SLC19A1: variants seen among roughly 807,000 people sequenced by gnomAD.
The protein encoded by SLC19A1 is solute carrier family 19 member 1.
Under a neutral mutation model 35.3 loss-of-function variants are expected in SLC19A1, and 37 were observed. The observed-to-expected ratio is 1.05, with a 90% CI of 0.81 to 1.38. The LOEUF (loss-of-function observed/expected upper bound fraction) is 1.38. Ranked by LOEUF, SLC19A1 falls within the 40% of genes most tolerant of loss-of-function variation. SLC19A1 has a pLI of 0.00. For missense variants in SLC19A1, 831 were observed against 826.9 expected (o/e 1.00, Z -0.06); for synonymous variants, 460 against 398.5 (o/e 1.15, Z -1.84).
rs2078270272 is a variant in SLC19A1 at position 45,540,494 on chromosome 21, CAG to C, written c.-50+1872_-50+1873del. ...AACATTCCTTCCTTGGAGAGACAGC[CAG>C]AGTCTCCGCCAGCAAGGGGCTGCTG... On this transcript the variant is annotated intron_variant, in intron 1 of 5. Coordinates refer to ENST00000311124, the MANE Select transcript of SLC19A1 (RefSeq NM_194255.4). This position sits in a 1 kb window ranked among gnomAD's most constrained non-coding sequence, Gnocchi z 5.5. Among the ~76,000 whole-genome samples, 1 of 152,192 alleles carries C rather than the reference CAG, an allele frequency of 6.6e-6. No homozygotes were observed. Among genetic ancestry groups the C allele is most frequent in the African/African-American group, 2.4e-5 (1 of 41,442 alleles).
At chr21:45,547,126 TACA>T (rs1294401293), upstream of SLC19A1, among the ~76,000 whole-genome samples, 2 of 152,232 alleles carry the variant, frequency 1.3e-5, no homozygotes, top group African/African-American at 4.8e-5. Flanking sequence ...AAACAGTATT[TACA>T]ACGCCAATGA....
At chr21:45,526,031 C>G (rs953884076) in intron 4 of SLC19A1, 73 bp from the exon 5 acceptor site, 8 of 1,533,526 alleles carry the variant, frequency 5.2e-6, no homozygotes, top group Non-Finnish European at 7.1e-6. Flanking sequence ...AGCCTGCAGC[C>G]CGGCTCCCAC....
At chr21:45,558,599 G>A (rs922686076) in intron 1 of SLC19A1, among the ~76,000 whole-genome samples, 1 of 152,158 alleles carries the variant, frequency 6.6e-6, no homozygotes, top group Non-Finnish European at 1.5e-5. Flanking sequence ...TGAGAGGACT[G>A]CGTTTGGTTT....
At chr21:45,504,121 C>A in intron 3 of SLC19A1, 1 of 1,544,406 alleles carries the variant, frequency 6.5e-7, no homozygotes, top group Non-Finnish European at 8.9e-7. Context: ...TGGCTGCTCC[C>A]AATTTCTCGC....
rs2077985962 is a variant in SLC19A1, at chr21:45,533,029, C to T, written c.190-881G>A. On this transcript the variant is annotated intron_variant, in intron 2 of 5. Transcript: ENST00000311124. This position sits in a 1 kb window ranked among gnomAD's most constrained non-coding sequence, Gnocchi z 4.5. Reference sequence around the variant, plus strand: ...CTGGGCTGTGCACTCCCATCTCACACTTGTCCCCAGAGCAAGGTCTTTAAG... The same window carrying T: ...CTGGGCTGTGCACTCCCATCTCACATTTGTCCCCAGAGCAAGGTCTTTAAG... Among the ~76,000 whole-genome samples, 1 of 152,194 alleles carries T rather than the reference C, an allele frequency of 6.6e-6. No homozygotes were observed. The highest frequency in any genetic ancestry group is 1.9e-4 in the East Asian group (1 of 5,178).
chr21:45,532,176 C>T (rs572958946), intron 2 of SLC19A1, 28 bp from the exon 3 acceptor site: 12 of 1,544,750 alleles, frequency 7.8e-6, no homozygotes, highest in South Asian at 7.3e-5. Flanking sequence ...TGCGCCCCAC[C>T]AGGTGTTAGC....
At position 45,537,920 on chromosome 21, in the gene SLC19A1, C is replaced by A. The variant is rs527506690; in HGVS notation, c.40G>T (p.Val14Leu). The A allele has an allele frequency of 1.3e-6, 2 of 1,589,706 alleles. No individual in the cohort carries two copies. The highest frequency in any genetic ancestry group is 2.3e-5 in the East Asian group (1 of 44,176). Reference sequence around the variant, plus strand: ...AGCTCGGGGTCAGGCCCAGGTTCCACGGGCACCTGCTTCTCCACCGCTGGG... The same window carrying A: ...AGCTCGGGGTCAGGCCCAGGTTCCAAGGGCACCTGCTTCTCCACCGCTGGG... ...SSPAVEKQVPVEPGPDPELRS... is the reference protein window; with the variant it reads ...SSPAVEKQVPLEPGPDPELRS... Residue 14 changes from valine to leucine, a missense_variant, in exon 2 of 6, where the codon GTG (valine) becomes TTG (leucine). Physicochemically the swap from Val to Leu is conservative, Grantham distance 32. Coordinates refer to ENST00000311124, the MANE Select transcript of SLC19A1 (RefSeq NM_194255.4).
At chr21:45,532,901 A>T (rs542961213) in intron 2 of SLC19A1, among the ~76,000 whole-genome samples, 1 of 152,360 alleles carries the variant, frequency 6.6e-6, no homozygotes, top group African/African-American at 2.4e-5. Context: ...GATCAGGGAC[A>T]GCAGGTTCGT....
rs369086329 is a variant in SLC19A1 at position 45,530,393 on chromosome 21, G to A, written c.1151+377C>T. On this transcript the variant is annotated intron_variant, in intron 4 of 5. Coordinates refer to ENST00000311124, the MANE Select transcript of SLC19A1 (RefSeq NM_194255.4). This position sits in a 1 kb window ranked among gnomAD's most constrained non-coding sequence, Gnocchi z 5.3. Reference sequence around the variant, plus strand: ...GTGTGTCCATGTGTGAGCGTGTGGTGTGTGTGTGGTGTGAGTGCCTGGTGT... The same window carrying A: ...GTGTGTCCATGTGTGAGCGTGTGGTATGTGTGTGGTGTGAGTGCCTGGTGT... Among the ~76,000 whole-genome samples the A allele has an allele frequency of 2.0e-5, 3 of 152,062 alleles. No individual in the cohort carries two copies. Among genetic ancestry groups the A allele is most frequent in the Non-Finnish European group, 2.9e-5 (2 of 67,990 alleles).
chr21:45,543,497 G>A (rs1003018114), upstream of SLC19A1, among the ~76,000 whole-genome samples: 2 of 152,230 alleles, frequency 1.3e-5, no homozygotes, highest in African/African-American at 2.4e-5. Context: ...CTTCCGGAGT[G>A]TAGACAGCAC....
At position 45,503,652 on chromosome 21, in the gene SLC19A1, GGGA is replaced by G. The variant is rs1477885968; in HGVS notation, c.498-5043_498-5041del. 1.3e-3 allele frequency among the ~76,000 whole-genome samples: 144 copies of G among 111,534 alleles called. 1 individual carries two copies. The highest frequency in any genetic ancestry group is 6.6e-3 in the South Asian group (17 of 2,586). 73.2% of individuals were successfully genotyped at this position (111,534 alleles called of 152,430 possible). Reference sequence around the variant, plus strand: ...GGACTGTTGTGGGGTGGGGGGAGGGGGGAGGGATAGCATTGGGAGATATACCTA... The same window carrying G: ...GGACTGTTGTGGGGTGGGGGGAGGGGGGGATAGCATTGGGAGATATACCTA... On this transcript the variant is annotated intron_variant, in intron 3 of 4. Coordinates refer to the SLC19A1 transcript ENST00000417954.
downstream of SLC19A1, chr21:45,512,185 C>A (rs553288348): frequency 1.2e-6 from 2 of 1,611,526 alleles, no homozygotes; most frequent in Non-Finnish European, 1.7e-6. Context: ...GCGCGTCTTA[C>A]AGGCCCCAGA....
At chr21:45,531,006 T>C in intron 3 of SLC19A1, 35 bp from the exon 4 acceptor site, 1 of 663,382 alleles carries the variant, frequency 1.5e-6, no homozygotes, top group South Asian at 3.9e-5. Context: ...GCAGCGGCCC[T>C]GGGGGGCCAC....
chr21:45,512,154 C>T, downstream of SLC19A1: 1 of 1,593,740 alleles, frequency 6.3e-7, no homozygotes, highest in Admixed American at 1.7e-5. Flanking sequence ...CAGAGCAGGT[C>T]TGGGTTTGAC....
In SLC19A1 at chr21:45,540,367, G is replaced by T. The variant is rs9982270; in HGVS notation, c.-50+2001C>A. On this transcript the variant is annotated intron_variant, in intron 1 of 5. Transcript: ENST00000311124. This position sits in a 1 kb window ranked among gnomAD's most constrained non-coding sequence, Gnocchi z 5.5. ...CCAGGGTCTGCGCCCACAGTCCATG[G>T]CCGCAGGAGTCAGATCCCCACCCAC... is the stretch of plus-strand genomic sequence containing the variant. Among the ~76,000 whole-genome samples the T allele has an allele frequency of 4.0e-3, 612 of 152,274 alleles. 4 individuals are homozygous for T. Among genetic ancestry groups the T allele is most frequent in the African/African-American group, 0.014 (592 of 41,544 alleles).
chr21:45,519,285 CAG>C (rs1272323187), intron 5 of SLC19A1, among the ~76,000 whole-genome samples: 1 of 151,974 alleles, frequency 6.6e-6, no homozygotes, highest in Non-Finnish European at 1.5e-5. Context: ...AAACTAAAAA[CAG>C]AGAATAAATG....
At chr21:45,509,282 AGAG>A (rs1428430744), downstream of SLC19A1, 11 of 1,528,262 alleles carry the variant, frequency 7.2e-6, no homozygotes, top group African/African-American at 4.1e-5. Context: ...CACCCAGCCC[AGAG>A]GAGGACACAG....
rs764295559 is a variant in SLC19A1, at chr21:45,504,506, CCCCCCG to C, written c.498-5900_498-5895del. 239 of 1,396,402 alleles carry C rather than the reference CCCCCCG, an allele frequency of 1.7e-4. 2 individuals are homozygous for C. The African/African-American group carries it at 6.5e-3, about 38-fold the overall frequency. 86.5% of individuals were successfully genotyped at this position (1,396,402 alleles called of 1,614,324 possible). On this transcript the variant is annotated intron_variant, in intron 3 of 4. Coordinates refer to the SLC19A1 transcript ENST00000417954. The stretch of plus-strand genomic sequence containing the variant: ...TTTCTTCGGCTCCAGCCTGCCCGGC[CCCCCCG>C]GCCCCCCAGGCCCCCCAGGCCCACG...
At chr21:45,541,187 C>G (rs1313618399) in intron 1 of SLC19A1, among the ~76,000 whole-genome samples, 1 of 152,240 alleles carries the variant, frequency 6.6e-6, no homozygotes, top group African/African-American at 2.4e-5. Context: ...ACTGTACTAT[C>G]TGGAATTATA....
Sources: gnomAD v4.1 joint callset for allele counts (sites outside exome capture counted in the v4.1 genomes callset) on GRCh38, gnomAD v4.1.1 for gene constraint, Gnocchi (gnomAD v3.1) non-coding constraint, MANE v1.5 for transcripts, NCBI Gene and HGNC (gene_info 2026-07-23, HGNC 2026-07-21) for gene names.